ITFG1: variants seen among roughly 807,000 people sequenced by gnomAD.
ITFG1 encodes T-cell immunomodulatory protein.
A neutral mutation model predicts 81.8 loss-of-function variants in ITFG1; 34 were observed. That is an observed-to-expected ratio of 0.42 (90% CI 0.32 to 0.55). The LOEUF (loss-of-function observed/expected upper bound fraction) is 0.55, where lower values mean the gene tolerates loss of function less well. Ranked by LOEUF, ITFG1 falls within the 20% of genes least tolerant of loss-of-function variation. The probability of loss-of-function intolerance (pLI) is 0.17; values close to 1 mark genes in which losing one functional copy is unlikely to be tolerated. For missense variants in ITFG1, 672 were observed against 755.4 expected (o/e 0.89, Z 1.29); for synonymous variants, 285 against 270.6 (o/e 1.05, Z -0.52).
intron 14 of ITFG1, among the ~76,000 whole-genome samples, chr16:47,164,326 G>A (rs1271011381): frequency 6.6e-6 from 1 of 151,940 alleles, no homozygotes; most frequent in Non-Finnish European, 1.5e-5. Flanking sequence ...TTATTTAGTG[G>A]TCAGCCAGTG....
intron 14 of ITFG1, among the ~76,000 whole-genome samples, chr16:47,203,834 T>C (rs1411210481): frequency 6.6e-6 from 1 of 152,042 alleles, no homozygotes; most frequent in Admixed American, 6.6e-5. Flanking sequence ...CTCAGATTCA[T>C]AGAGACTGAA....
intron 8 of ITFG1, among the ~76,000 whole-genome samples, chr16:47,345,704 T>C (rs1228088388): frequency 6.6e-6 from 1 of 152,190 alleles, no homozygotes. Context: ...AAGGTTGCTG[T>C]AGGCAATTTG....
intron 8 of ITFG1, among the ~76,000 whole-genome samples, chr16:47,327,851 A>G (rs1391204267): frequency 2.0e-5 from 3 of 152,224 alleles, no homozygotes; most frequent in Admixed American, 6.5e-5. Context: ...ATGTGGAGAA[A>G]TAGGAACACT....
At chr16:47,179,693 G>A (rs1223486363) in intron 14 of ITFG1, among the ~76,000 whole-genome samples, 1 of 152,040 alleles carries the variant, frequency 6.6e-6, no homozygotes, top group Non-Finnish European at 1.5e-5. Context: ...TGAGAGAAGT[G>A]GTTAATACCT....
At chr16:47,379,325 A>G (rs1968365964) in intron 6 of ITFG1, among the ~76,000 whole-genome samples, 1 of 152,162 alleles carries the variant, frequency 6.6e-6, no homozygotes, top group African/African-American at 2.4e-5. Flanking sequence ...TCAGTCTCAA[A>G]GTCTGCTTCC....
At chr16:47,425,712 C>T (rs1329290439) in intron 6 of ITFG1, 1 of 151,878 alleles carries the variant, frequency 6.6e-6, no homozygotes, top group East Asian at 1.9e-4. Flanking sequence ...CCTACCTCAG[C>T]TTCTTGAGTA....
At chr16:47,303,196 AG>A (rs1196333937) in intron 10 of ITFG1, among the ~76,000 whole-genome samples, 1 of 151,906 alleles carries the variant, frequency 6.6e-6, no homozygotes. Context: ...GCGTGAACCC[AG>A]GGGGCGGAGC....
At chr16:47,443,674 C>T (rs1969285304) in intron 5 of ITFG1, among the ~76,000 whole-genome samples, 2 of 152,092 alleles carry the variant, frequency 1.3e-5, no homozygotes, top group Non-Finnish European at 2.9e-5. Flanking sequence ...CGCACGTTCT[C>T]ACTCATAAGT....
intron 10 of ITFG1, among the ~76,000 whole-genome samples, chr16:47,262,043 CT>C (rs1332502335): frequency 6.6e-6 from 1 of 152,196 alleles, no homozygotes; most frequent in East Asian, 1.9e-4. Context: ...TACTGTGGCT[CT>C]GGGTGAGTTT....
At chr16:47,271,221 A>T (rs1251033121) in intron 10 of ITFG1, among the ~76,000 whole-genome samples, 1 of 152,188 alleles carries the variant, frequency 6.6e-6, no homozygotes, top group African/African-American at 2.4e-5. Flanking sequence ...CTCATATTTA[A>T]TAGGGGACTT....
intron 14 of ITFG1, among the ~76,000 whole-genome samples, chr16:47,217,797 C>T (rs1186134100): frequency 2.6e-5 from 4 of 151,956 alleles, no homozygotes; most frequent in African/African-American, 9.7e-5. Context: ...TAGTGGCGGG[C>T]ACCTGTGGTC....
At chr16:47,385,691 T>G (rs1310048079) in intron 6 of ITFG1, among the ~76,000 whole-genome samples, 2 of 152,252 alleles carry the variant, frequency 1.3e-5, no homozygotes, top group African/African-American at 4.8e-5. Flanking sequence ...TTCCTCAGTT[T>G]TCTCTGCCTG....
At chr16:47,335,858 T>C (rs1429902039) in intron 8 of ITFG1, among the ~76,000 whole-genome samples, 1 of 152,192 alleles carries the variant, frequency 6.6e-6, no homozygotes, top group African/African-American at 2.4e-5. Context: ...TTTCCACTCC[T>C]AGGTATTACT....
chr16:47,250,072 C>A (rs1318778944), intron 12 of ITFG1, among the ~76,000 whole-genome samples: 1 of 152,134 alleles, frequency 6.6e-6, no homozygotes, highest in Non-Finnish European at 1.5e-5. Flanking sequence ...CATATGAACA[C>A]AAAAACATTA....
chr16:47,173,142 G>A (rs1964980742), intron 14 of ITFG1, among the ~76,000 whole-genome samples: 1 of 152,112 alleles, frequency 6.6e-6, no homozygotes. Flanking sequence ...TGTTCTCAGA[G>A]AGGCTTGCTC....
chr16:47,314,839 T>G (rs1967327142), intron 8 of ITFG1, among the ~76,000 whole-genome samples: 1 of 152,014 alleles, frequency 6.6e-6, no homozygotes. Context: ...TGGAAGAAAA[T>G]AAAAGGATTA....
chr16:47,376,786 T>C (rs891611687), intron 6 of ITFG1, among the ~76,000 whole-genome samples: 1 of 151,944 alleles, frequency 6.6e-6, no homozygotes, highest in Non-Finnish European at 1.5e-5. Flanking sequence ...CTGGCCAACA[T>C]GGTGAAACCC....
intron 6 of ITFG1, among the ~76,000 whole-genome samples, chr16:47,403,761 TACACAC>T (rs55978309): frequency 0.057 from 7,593 of 133,180 alleles, 248 homozygotes; most frequent in Middle Eastern, 0.093. Flanking sequence ...TCTCTCTTGG[TACACAC>T]ACACACACAC....
chr16:47,162,495 T>C, intron 15 of ITFG1, 45 bp downstream of exon 15: 1 of 1,434,526 alleles, frequency 7.0e-7, no homozygotes, highest in East Asian at 2.3e-5. Flanking sequence ...AAATAGTGAA[T>C]ATTAAAACAT....
Sources: gnomAD v4.1 joint callset for allele counts (sites outside exome capture counted in the v4.1 genomes callset) on GRCh38, gnomAD v4.1.1 for gene constraint, MANE v1.5 for transcripts, NCBI Gene and HGNC (gene_info 2026-07-23, HGNC 2026-07-21) for gene names.